LIPK: variants seen among roughly 807,000 people sequenced by gnomAD.
LIPK encodes the protein lipase member K.
A neutral mutation model predicts 48.6 loss-of-function variants in LIPK; 32 were observed. The observed-to-expected ratio is 0.66, with a 90% CI of 0.50 to 0.88. The LOEUF (loss-of-function observed/expected upper bound fraction) is 0.88. Among genes scored for constraint, LIPK ranks in the 40% least tolerant of loss-of-function variants. LIPK has a pLI of 0.00. For missense variants in LIPK, 507 were observed against 478.5 expected, an observed-to-expected ratio of 1.06 and a Z score of -0.56; for synonymous variants, 164 against 157.4, an observed-to-expected ratio of 1.04 and a Z score of -0.32.
intron 1 of LIPK, among the ~76,000 whole-genome samples, chr10:88,707,497 T>C (rs564371078): frequency 9.9e-5 from 15 of 152,168 alleles, no homozygotes; most frequent in Non-Finnish European, 1.9e-4. Flanking sequence ...TTGTCCTTCA[T>C]ATTATCGAAG....
intron 3 of LIPK, chr10:88,728,573 G>A (rs955984646): frequency 2.4e-5 from 11 of 452,458 alleles, no homozygotes; most frequent in Non-Finnish European, 3.9e-5. Flanking sequence ...AGAGGGCGCC[G>A]TAGCTTCACC....
intron 3 of LIPK, chr10:88,728,681 G>C: frequency 4.3e-6 from 2 of 465,440 alleles, no homozygotes; most frequent in South Asian, 3.2e-5. Context: ...TGGAGTCTGG[G>C]ACGCAGAGCA....
intron 6 of LIPK, among the ~76,000 whole-genome samples, chr10:88,735,918 G>A (rs1842562359): frequency 6.6e-6 from 1 of 152,196 alleles, no homozygotes; most frequent in Admixed American, 6.5e-5. Context: ...CTGAGTCACA[G>A]GATATTGAGG....
In LIPK at chr10:88,716,649, G is replaced by A. The variant is rs535881840; in HGVS notation, c.-11-7884G>A. On this transcript the variant is annotated intron_variant, in intron 1 of 9. Coordinates refer to ENST00000404190, the MANE Select transcript of LIPK (RefSeq NM_001080518.2). ...TGGGATTACAGGCATGAGCCACTGA[G>A]CCTGGCCAGAATATAGGAAAATTTC... is the stretch of plus-strand genomic sequence containing the variant. 2.0e-5 allele frequency among the ~76,000 whole-genome samples: 3 copies of A among 152,262 alleles called. No individual in the cohort carries two copies. In the South Asian group the frequency reaches 6.2e-4, roughly 32 times the overall value.
chr10:88,747,574 A>C (rs1040265434), intron 9 of LIPK, among the ~76,000 whole-genome samples: 36 of 152,204 alleles, frequency 2.4e-4, no homozygotes, highest in African/African-American at 8.7e-4. Context: ...ACATCCCTTC[A>C]TGTTAAAAAC....
intron 3 of LIPK, 60 bp downstream of exon 3, chr10:88,726,972 G>T: frequency 1.0e-6 from 1 of 1,000,048 alleles, no homozygotes; most frequent in East Asian, 2.6e-5. Context: ...TAGATGTCCT[G>T]GGAGAAGTCA....
At chr10:88,729,105 A>T (rs1224359058) in intron 3 of LIPK, among the ~76,000 whole-genome samples, 1 of 151,658 alleles carries the variant, frequency 6.6e-6, no homozygotes, top group Non-Finnish European at 1.5e-5. Flanking sequence ...CAGCTGAAAA[A>T]ACAAGTCTAT....
At chr10:88,712,863 C>A (rs964661725) in intron 1 of LIPK, among the ~76,000 whole-genome samples, 1 of 152,110 alleles carries the variant, frequency 6.6e-6, no homozygotes, top group African/African-American at 2.4e-5. Context: ...TAATTTCTTT[C>A]TCTTGAATAA....
At chr10:88,727,004 C>A in intron 3 of LIPK, 92 bp downstream of exon 3, 1 of 727,454 alleles carries the variant, frequency 1.4e-6, no homozygotes, top group South Asian at 1.6e-5. Context: ...TTCTGAAATT[C>A]TTAACAGTCC....
At chr10:88,727,167 G>A (rs1335823973) in intron 3 of LIPK, among the ~76,000 whole-genome samples, 4 of 152,072 alleles carry the variant, frequency 2.6e-5, no homozygotes, top group African/African-American at 9.7e-5. Flanking sequence ...AAAACACATC[G>A]TGTTCTTACC....
At chr10:88,731,554 T>C (rs1031256214) in intron 4 of LIPK, among the ~76,000 whole-genome samples, 4 of 152,258 alleles carry the variant, frequency 2.6e-5, no homozygotes, top group Non-Finnish European at 5.9e-5. Flanking sequence ...AGCAAACTGA[T>C]GCACTGGCAT....
Position 88,740,023 on chromosome 10 carries a change from A to C in LIPK, c.844A>C (p.Asn282His), listed in dbSNP as rs1202936490. ...MSRLDVYLSH[N>H]PAGTSVQNML... ...TCGCTTGGATGTTTATTTGTCACAC[A>C]ATCCTGCGGGAACATCTGTTCAGAA... is the stretch of plus-strand genomic sequence containing the variant. Residue 282 changes from asparagine (N) to histidine (H), a missense_variant, in exon 8 of 10, where the codon AAT (asparagine) becomes CAT (histidine). Transcript: ENST00000404190. The C allele has an allele frequency of 1.9e-6, 3 of 1,612,660 alleles. No individual in the cohort carries two copies. The East Asian group carries it at 6.7e-5, about 36-fold the overall frequency.
intron 6 of LIPK, among the ~76,000 whole-genome samples, chr10:88,734,513 G>A (rs1429918578): frequency 6.6e-6 from 1 of 152,182 alleles, no homozygotes; most frequent in Non-Finnish European, 1.5e-5. Flanking sequence ...TATTATATAA[G>A]TAATTGGGGA....
chr10:88,737,657 T>C lies in LIPK; in HGVS notation c.692T>C (p.Phe231Ser), dbSNP rs1347199083. Residue 231 changes from phenylalanine (F) to serine (S), a missense_variant, in exon 7 of 10, where the codon TTC becomes TCC. Phe to Ser is a radical substitution (Grantham distance 155). Transcript: ENST00000404190. ...TAGGTGTTGTTTGGTGACAAAATGTTCCACCCTCATACATTGTTTGACCAA... is the reference window on the plus strand; with the variant it reads ...TAGGTGTTGTTTGGTGACAAAATGTCCCACCCTCATACATTGTTTGACCAA... ...VVKVLFGDKM[F>S]HPHTLFDQFI... 12 of 1,613,710 alleles carry C rather than the reference T, an allele frequency of 7.4e-6. No individual in the cohort carries two copies. Among genetic ancestry groups the C allele is most frequent in the Non-Finnish European group, 9.3e-6 (11 of 1,179,770 alleles).
chr10:88,727,948 T>C, intron 3 of LIPK: 1 of 362,166 alleles, frequency 2.8e-6, no homozygotes. Context: ...CATGGAGAGC[T>C]GCATCAACAA....
chr10:88,729,252 T>TGGGGGGGGG (rs71022537), intron 3 of LIPK, among the ~76,000 whole-genome samples: 3 of 40,166 alleles, frequency 7.5e-5, no homozygotes, highest in Admixed American at 6.2e-4. Flanking sequence ...GGCTATCTGT[T>TGGGGGGGGG]GGGGGGGGGG....
At chr10:88,715,960 A>ATG (rs1842109081) in intron 1 of LIPK, among the ~76,000 whole-genome samples, 1 of 152,128 alleles carries the variant, frequency 6.6e-6, no homozygotes, top group South Asian at 2.1e-4. Flanking sequence ...ATTGACTTGT[A>ATG]TATTTGATCT....
intron 1 of LIPK, among the ~76,000 whole-genome samples, chr10:88,713,539 T>C (rs1454949479): frequency 6.6e-6 from 1 of 152,240 alleles, no homozygotes; most frequent in Admixed American, 6.5e-5. Context: ...AATTGCTTTT[T>C]AAATATTAGC....
At chr10:88,724,429 T>C (rs1391297309) in intron 1 of LIPK, 104 bp from the exon 2 acceptor site, 2 of 685,518 alleles carry the variant, frequency 2.9e-6, no homozygotes, top group Non-Finnish European at 5.2e-6. Context: ...AGCCTAGAAG[T>C]ATGTTTCTGC....
Sources: gnomAD v4.1 joint callset for allele counts (sites outside exome capture counted in the v4.1 genomes callset) on GRCh38, gnomAD v4.1.1 for gene constraint, MANE v1.5 for transcripts, NCBI Gene and HGNC (gene_info 2026-07-23, HGNC 2026-07-21) for gene names.